F7: variants seen among roughly 807,000 people sequenced by gnomAD.
The protein encoded by F7 is coagulation factor VII.
Under a neutral mutation model 47.5 loss-of-function variants are expected in F7, and 38 were observed. The ratio of observed to expected loss-of-function variants is 0.80; its 90% CI spans 0.62 to 1.05. The LOEUF (loss-of-function observed/expected upper bound fraction) is 1.05. Ranked by LOEUF, F7 falls within the 50% of genes least tolerant of loss-of-function variation. F7 has a pLI of 0.00. For missense variants in F7, 575 were observed against 605.4 expected (o/e 0.95, Z 0.53); for synonymous variants, 244 against 258.5 (o/e 0.94, Z 0.54).
chr13:113,112,430 TACTC>T (rs1216361152), intron 2 of F7, among the ~76,000 whole-genome samples: 5 of 139,290 alleles, frequency 3.6e-5, no homozygotes, highest in Admixed American at 7.1e-5. Context: ...GATCACCTCA[TACTC>T]ACAGATCACT....
chr13:113,118,263 G>A, intron 7 of F7, 150 bp from the exon 8 acceptor site: 1 of 843,532 alleles, frequency 1.2e-6, no homozygotes, highest in South Asian at 1.8e-5. Flanking sequence ...GGGCAGGCTG[G>A]CCCCACCTTG....
chr13:113,116,718 T>C (rs2036198443), intron 5 of F7, 48 bp from the exon 6 acceptor site: 1 of 1,401,350 alleles, frequency 7.1e-7, no homozygotes. Flanking sequence ...TAGTGGCACG[T>C]TCATCCCTCA....
intron 2 of F7, 36 bp downstream of exon 2, chr13:113,110,886 A>T: frequency 6.5e-7 from 1 of 1,546,206 alleles, no homozygotes; most frequent in South Asian, 1.2e-5. Context: ...CGCCGCGGAC[A>T]CTGCAGGCGG....
intron 4 of F7, 40 bp from the exon 5 acceptor site, chr13:113,115,620 C>A: frequency 6.2e-7 from 1 of 1,606,024 alleles, no homozygotes; most frequent in Non-Finnish European, 8.5e-7. Flanking sequence ...CTCGCTGACC[C>A]CCAGAAGCCC....
chr13:113,110,224 GGGAAGGC>G lies in F7; in HGVS notation c.65-462_65-456del, dbSNP rs1157778415. ...CGCCTCGGACCAGGACGGAGGCCTG[GGGAAGGC>G]GGATCTGGCCGCCGGAGACGCGGTG... On this transcript the variant is annotated intron_variant, in intron 1 of 7. Coordinates refer to ENST00000346342, the MANE Select transcript of F7 (RefSeq NM_019616.4). The G allele has an allele frequency of 2.2e-4, 37 of 171,444 alleles. No homozygotes were observed. In the Admixed American group the frequency reaches 2.4e-3, roughly 11 times the overall value. The allele number at this position is 171,444 out of a possible 1,614,324, so 10.6% of individuals were successfully genotyped here.
At chr13:113,107,049 G>A in intron 1 of F7, 2 of 962,148 alleles carry the variant, frequency 2.1e-6, no homozygotes, top group East Asian at 2.6e-5. Flanking sequence ...TGCTCGAGAG[G>A]AAGTGACCGC....
In F7 at chr13:113,118,721, C is replaced by T. The variant is rs1595080617; in HGVS notation, c.1048C>T (p.Gln350Ter). 6.2e-7 allele frequency: 1 copy of T among 1,612,984 alleles called. No homozygotes were observed. Among genetic ancestry groups the T allele is most frequent in the South Asian group, 1.1e-5 (1 of 91,072 alleles). Residue 350 changes from glutamine (Q) to a stop codon, truncating the protein, a stop_gained, in exon 8 of 8, where the codon CAG becomes TAG. Transcript: ENST00000346342. LOFTEE classifies it high-confidence loss of function. ...CCGGCTGATGACCCAGGACTGCCTG[C>T]AGCAGTCACGGAAGGTGGGAGACTC... Reference protein sequence around the residue: ...VPRLMTQDCLQQSRKVGDSPN... With the variant: ...VPRLMTQDCL
At chr13:113,106,247 C>T (rs1042474707) in intron 1 of F7, among the ~76,000 whole-genome samples, 1 of 132,776 alleles carries the variant, frequency 7.5e-6, no homozygotes. Flanking sequence ...CAGGGTGCTC[C>T]CAGGCTGGGG....
chr13:113,107,461 A>G (rs1386891580), intron 1 of F7, among the ~76,000 whole-genome samples: 1 of 3,216 alleles, frequency 3.1e-4, no homozygotes, highest in Admixed American at 2.7e-3. Context: ...GTGTCCCGGG[A>G]GTGTGGGTGT....
chr13:113,112,475 C>T (rs2036119969), intron 2 of F7, among the ~76,000 whole-genome samples: 1 of 148,248 alleles, frequency 6.7e-6, no homozygotes, highest in Non-Finnish European at 1.5e-5. Context: ...ACACTCAGGG[C>T]ACACTTCACA....
chr13:113,110,802 G>A lies in F7; in HGVS notation c.177G>A (p.Gln59=), dbSNP rs778291201. The A allele has an allele frequency of 2.1e-5, 33 of 1,557,004 alleles. No individual in the cohort carries two copies. The highest frequency in any genetic ancestry group is 2.0e-4 in the African/African-American group (15 of 73,476). ...GSLERECKEE[Q]CSFEEAREIF... ...TGGAGAGGGAGTGCAAGGAGGAGCA[G>A]TGCTCCTTCGAGGAGGCCCGGGAGA... The change falls in exon 2 of 8, where the codon CAG becomes CAA. Residue 59 remains glutamine, a synonymous_variant. Coordinates refer to ENST00000346342, the MANE Select transcript of F7 (RefSeq NM_019616.4).
chr13:113,117,103 T>C, intron 6 of F7: 1 of 641,420 alleles, frequency 1.6e-6, no homozygotes, highest in East Asian at 2.8e-5. Flanking sequence ...CAGAGAACCC[T>C]GCGAGATGCC....
At chr13:113,111,997 C>G (rs2036107562) in intron 2 of F7, among the ~76,000 whole-genome samples, 1 of 144,792 alleles carries the variant, frequency 6.9e-6, no homozygotes. Flanking sequence ...TCAGGGTGCA[C>G]TTCAAACCCA....
rs755377592 is a variant in F7, at chr13:113,118,892, G to A, written c.1219G>A (p.Ala407Thr). 2.0e-5 allele frequency: 32 copies of A among 1,612,338 alleles called. No individual in the cohort carries two copies. In the Admixed American group the frequency reaches 2.8e-4, roughly 14 times the overall value. Residue 407 changes from alanine (A) to threonine (T), a missense_variant, in exon 8 of 8, where the codon GCA becomes ACA. Coordinates refer to ENST00000346342, the MANE Select transcript of F7 (RefSeq NM_019616.4). The part of the protein sequence containing the change: ...TGIVSWGQGC[A>T]TVGHFGVYTR... ...CATCGTCAGCTGGGGCCAGGGCTGC[G>A]CAACCGTGGGCCACTTTGGGGTGTA...
chr13:113,109,652 G>T (rs2142209506), intron 1 of F7, among the ~76,000 whole-genome samples: 1 of 152,258 alleles, frequency 6.6e-6, no homozygotes, highest in East Asian at 1.9e-4. Flanking sequence ...CGCGCCTCCT[G>T]CGGCCTCTCC....
intron 1 of F7, among the ~76,000 whole-genome samples, chr13:113,109,232 G>A (rs991571219): frequency 6.6e-6 from 1 of 150,658 alleles, no homozygotes; most frequent in Non-Finnish European, 1.5e-5. Flanking sequence ...TGTCCCGGGG[G>A]TGTGGGTGTC....
intron 1 of F7, among the ~76,000 whole-genome samples, chr13:113,108,369 G>C: frequency 1.1e-5 from 1 of 90,394 alleles, no homozygotes; most frequent in African/African-American, 3.9e-5. Context: ...CGGGAGTGTG[G>C]GTGTCCCGGG....
intron 1 of F7, chr13:113,106,918 G>A (rs1486671205): frequency 1.9e-6 from 3 of 1,600,010 alleles, no homozygotes; most frequent in Admixed American, 1.7e-5. Context: ...GAGGTGAGCA[G>A]GGACTGCCAC....
chr13:113,113,687 A>G lies in F7; in HGVS notation c.226-65A>G. ...CCCAACCCCAGTTCATGGTGTGTCCAGTGCTTACCGTTGGGTGCTCTGGTG... is the reference window on the plus strand; with the variant it reads ...CCCAACCCCAGTTCATGGTGTGTCCGGTGCTTACCGTTGGGTGCTCTGGTG... On this transcript the variant is annotated intron_variant, in intron 2 of 7. Coordinates refer to ENST00000346342, the MANE Select transcript of F7 (RefSeq NM_019616.4). This position sits in a 1 kb window ranked among gnomAD's most constrained non-coding sequence, Gnocchi z 4.1. 1 of 1,525,260 alleles carries G rather than the reference A, an allele frequency of 6.6e-7. No individual in the cohort carries two copies. Among genetic ancestry groups the G allele is most frequent in the Non-Finnish European group, 9.1e-7 (1 of 1,099,370 alleles). The allele number at this position is 1,525,260 out of a possible 1,614,324, so 94.5% of individuals were successfully genotyped here.
Sources: gnomAD v4.1 joint callset for allele counts (sites outside exome capture counted in the v4.1 genomes callset) on GRCh38, gnomAD v4.1.1 for gene constraint, Gnocchi (gnomAD v3.1) non-coding constraint, MANE v1.5 for transcripts, NCBI Gene and HGNC (gene_info 2026-07-23, HGNC 2026-07-21) for gene names.